Variants in RNF17 observed in about 807,000 individuals in gnomAD.
The protein encoded by RNF17 is ring finger protein 17.
RNF17 carries 31 observed loss-of-function variants against 200.5 expected under a neutral mutation model. The observed-to-expected ratio is 0.15, with a 90% CI of 0.12 to 0.21. RNF17 has a LOEUF of 0.21. Among genes scored for constraint, RNF17 ranks in the 10% least tolerant of loss-of-function variants. The probability of loss-of-function intolerance (pLI) is 1.00; values close to 1 mark genes in which losing one functional copy is unlikely to be tolerated. For missense variants in RNF17, 1,628 were observed against 1,905.1 expected (o/e 0.85, Z 2.71); for synonymous variants, 606 against 637.8 (o/e 0.95, Z 0.75).
At chr13:24,765,246 ACCT>A (rs1879489451) in intron 1 of RNF17, among the ~76,000 whole-genome samples, 1 of 151,962 alleles carries the variant, frequency 6.6e-6, no homozygotes. Context: ...CGATCTCCTG[ACCT>A]CGTGATCCGC....
intron 2 of RNF17, among the ~76,000 whole-genome samples, chr13:24,769,166 C>T (rs1593204159): frequency 1.3e-5 from 2 of 150,200 alleles, no homozygotes; most frequent in South Asian, 4.2e-4. Context: ...TGTCTGTGTC[C>T]ATATCCGTCC....
intron 9 of RNF17, among the ~76,000 whole-genome samples, chr13:24,792,624 A>G (rs536183041): frequency 2.0e-5 from 3 of 152,180 alleles, no homozygotes; most frequent in East Asian, 1.9e-4. Flanking sequence ...ACATATATCA[A>G]TTTTACTTAG....
intron 33 of RNF17, among the ~76,000 whole-genome samples, chr13:24,875,033 T>G (rs941073876): frequency 6.6e-6 from 1 of 152,240 alleles, no homozygotes; most frequent in Non-Finnish European, 1.5e-5. Context: ...CTCTTAAGGC[T>G]GAATAATATT....
intron 20 of RNF17, 120 bp from the exon 21 acceptor site, chr13:24,844,532 G>A: frequency 2.6e-6 from 2 of 768,138 alleles, no homozygotes; most frequent in Non-Finnish European, 4.2e-6. Flanking sequence ...TACATTCAAG[G>A]AAGAACAAGG....
At chr13:24,825,136 G>A (rs777327248) in intron 15 of RNF17, among the ~76,000 whole-genome samples, 9 of 151,980 alleles carry the variant, frequency 5.9e-5, no homozygotes, top group Non-Finnish European at 1.2e-4. Flanking sequence ...TAAAAGCAGA[G>A]GACTGTACTA....
intron 15 of RNF17, among the ~76,000 whole-genome samples, chr13:24,816,612 C>T (rs1035784801): frequency 2.0e-5 from 3 of 152,226 alleles, no homozygotes; most frequent in African/African-American, 4.8e-5. Context: ...CACAGATTCA[C>T]TCTTATCTGT....
chr13:24,771,159 G>T (rs933262720), intron 2 of RNF17, among the ~76,000 whole-genome samples: 16 of 151,620 alleles, frequency 1.1e-4, no homozygotes, highest in Non-Finnish European at 2.2e-4. Flanking sequence ...GTTGTTGTTT[G>T]CTTTTTCTGG....
chr13:24,859,287 T>C (rs1892843352), intron 26 of RNF17, 123 bp downstream of exon 26: 1 of 701,712 alleles, frequency 1.4e-6, no homozygotes, highest in Non-Finnish European at 2.1e-6. Flanking sequence ...TGTAGGAAGA[T>C]CAGTTATATT....
At chr13:24,854,216 C>A in intron 25 of RNF17, 72 bp downstream of exon 25, 2 of 1,134,696 alleles carry the variant, frequency 1.8e-6, no homozygotes, top group Non-Finnish European at 1.3e-6. Context: ...CTTTGGGCAA[C>A]CTCTTTGAAC....
intron 1 of RNF17, among the ~76,000 whole-genome samples, chr13:24,765,945 A>G (rs1054532688): frequency 2.0e-5 from 3 of 152,194 alleles, no homozygotes; most frequent in African/African-American, 7.2e-5. Context: ...AATTAATGCA[A>G]GGCCGGGCAC....
At position 24,778,366 on chromosome 13, in the gene RNF17, C is replaced by T. The variant is rs767693209; in HGVS notation, c.389C>T (p.Ser130Phe). 3.1e-6 allele frequency: 5 copies of T among 1,613,754 alleles called. No individual in the cohort carries two copies. In the South Asian group the frequency reaches 4.4e-5, roughly 14 times the overall value. The change falls in exon 4 of 36, where the codon TCC (serine) becomes TTC (phenylalanine). Residue 130 changes from serine (S) to phenylalanine (F), a missense_variant. Ser to Phe is a radical substitution (Grantham distance 155). This residue lies in a region of RNF17 where 502 missense variants were observed against 501.7 expected (regional missense o/e 1.00). Coordinates refer to ENST00000255324, the MANE Select transcript of RNF17 (RefSeq NM_031277.3). ...QLTTGLERSA[S>F]TDKTLLNSSA... ...ACTACTGGTTTAGAACGTTCAGCCT[C>T]CACAGACAAGACTCTTTTGAACTCA... is the stretch of plus-strand genomic sequence containing the variant.
At chr13:24,798,751 G>C (rs531052272) in intron 11 of RNF17, among the ~76,000 whole-genome samples, 2 of 122,866 alleles carry the variant, frequency 1.6e-5, no homozygotes, top group Admixed American at 8.6e-5. Context: ...GCATTCACCT[G>C]TGGGCCTTTT....
At chr13:24,868,338 C>T (rs984742814) in intron 30 of RNF17, among the ~76,000 whole-genome samples, 2 of 148,674 alleles carry the variant, frequency 1.3e-5, no homozygotes, top group African/African-American at 4.9e-5. Flanking sequence ...GGCGTAGTGG[C>T]GGGCGCCTGT....
At chr13:24,813,545 T>G (rs1364902002) in intron 15 of RNF17, among the ~76,000 whole-genome samples, 1 of 152,200 alleles carries the variant, frequency 6.6e-6, no homozygotes, top group Non-Finnish European at 1.5e-5. Flanking sequence ...TTATGAGATA[T>G]ATGACTTACA....
Position 24,875,420 on chromosome 13 carries a change from A to G in RNF17, c.4583+1171A>G, listed in dbSNP as rs373980272. Among the ~76,000 whole-genome samples the G allele has an allele frequency of 1.5e-3, 231 of 151,968 alleles. 1 individual carries two copies. Among genetic ancestry groups the G allele is most frequent in the African/African-American group, 5.3e-3 (218 of 41,440 alleles). ...AGTCCTTCCCCATCAATTTGTGAGG[A>G]AAAAAAAATTAATCTTGTTCATGCC... On this transcript the variant is annotated intron_variant, in intron 33 of 35. Coordinates refer to ENST00000255324, the MANE Select transcript of RNF17 (RefSeq NM_031277.3).
At chr13:24,862,990 C>G (rs1212169156) in intron 28 of RNF17, among the ~76,000 whole-genome samples, 197 bp downstream of exon 28, 1 of 152,202 alleles carries the variant, frequency 6.6e-6, no homozygotes, top group African/African-American at 2.4e-5. Flanking sequence ...TTCCTGAGAA[C>G]TTTCATAACC....
At chr13:24,834,864 C>T (rs893854117) in intron 18 of RNF17, among the ~76,000 whole-genome samples, 4 of 152,198 alleles carry the variant, frequency 2.6e-5, no homozygotes, top group African/African-American at 9.7e-5. Context: ...GGTGTGCAGA[C>T]TCCACAGGCA....
Position 24,850,383 on chromosome 13 carries a change from C to G in RNF17, c.3144C>G (p.Asp1048Glu). The part of the protein sequence containing the change: ...GSDKWTATAC[D>E]CLSLYLTGAV... Reference sequence around the variant, plus strand: ...ACAAGTGGACAGCAACAGCTTGTGACTGTCTTTCATTGTACCTGACTGGAG... The same window carrying G: ...ACAAGTGGACAGCAACAGCTTGTGAGTGTCTTTCATTGTACCTGACTGGAG... Residue 1048 changes from aspartate (D) to glutamate (E), a missense_variant, in exon 23 of 36, where the codon GAC (aspartate) becomes GAG (glutamate). Coordinates refer to ENST00000255324, the MANE Select transcript of RNF17 (RefSeq NM_031277.3). 8 of 1,613,720 alleles carry G rather than the reference C, an allele frequency of 5.0e-6. No individual in the cohort carries two copies. Among genetic ancestry groups the G allele is most frequent in the Non-Finnish European group, 5.9e-6 (7 of 1,179,844 alleles).
intron 15 of RNF17, chr13:24,824,286 T>C (rs1888400236): frequency 2.9e-6 from 2 of 688,688 alleles, no homozygotes; most frequent in Non-Finnish European, 5.3e-6. Context: ...CTAATCTATT[T>C]TGTTGGCGTC....
Sources: allele counts gnomAD v4.1 joint callset (sites outside exome capture counted in the v4.1 genomes callset), GRCh38; gene constraint gnomAD v4.1.1; regional missense constraint gnomAD v4.1.1; transcripts MANE v1.5; gene names NCBI Gene and HGNC (gene_info 2026-07-23, HGNC 2026-07-21).